SH3BP5L: variants seen among roughly 807,000 people sequenced by gnomAD.
SH3BP5L encodes the protein SH3 domain-binding protein 5-like.
Under a neutral mutation model 40.9 loss-of-function variants are expected in SH3BP5L, and 16 were observed. The observed-to-expected ratio is 0.39, with a 90% CI of 0.27 to 0.59. The LOEUF (loss-of-function observed/expected upper bound fraction) is 0.59. SH3BP5L is among the 20% of genes least tolerant of loss of function. The pLI is 0.53. For missense variants in SH3BP5L, 471 were observed against 544.6 expected, an observed-to-expected ratio of 0.86 and a Z score of 1.35; for synonymous variants, 229 against 226.7, an observed-to-expected ratio of 1.01 and a Z score of -0.09.
At chr1:248,814,754 G>A (rs1264078409) in intron 4 of SH3BP5L, 144 bp from the exon 5 acceptor site, 1 of 796,104 alleles carries the variant, frequency 1.3e-6, no homozygotes, top group South Asian at 1.4e-5. Context: ...GAGGATAAAT[G>A]CCAAGGAAGC....
chr1:248,812,837 T>C lies in SH3BP5L; in HGVS notation c.711+152A>G, dbSNP rs1472969902. 3.3e-6 allele frequency: 2 copies of C among 607,968 alleles called. No homozygotes were observed. The highest frequency in any genetic ancestry group is 5.5e-6 in the Non-Finnish European group (2 of 365,274). 37.7% of individuals were successfully genotyped at this position (607,968 alleles called of 1,614,324 possible). A position where few individuals can be genotyped will look rare whatever the true frequency, so the allele number is the denominator to read the frequency against. Reference sequence around the variant, plus strand: ...CCTGCCTCTCACTCCTGCAAGGTCATTTGGAACATGTGTGCCACCACCCTT... The same window carrying C: ...CCTGCCTCTCACTCCTGCAAGGTCACTTGGAACATGTGTGCCACCACCCTT... On this transcript the variant is annotated intron_variant, in intron 6 of 6. Coordinates refer to ENST00000366472, the MANE Select transcript of SH3BP5L (RefSeq NM_030645.3). This position sits in a 1 kb window ranked among gnomAD's most constrained non-coding sequence, Gnocchi z 6.1.
intron 3 of SH3BP5L, 62 bp from the exon 4 acceptor site, chr1:248,816,724 G>C: frequency 6.2e-7 from 1 of 1,612,638 alleles, no homozygotes; most frequent in Non-Finnish European, 8.5e-7. Flanking sequence ...TTGTTTCTCA[G>C]ACACACCCCT....
Position 248,810,976 on chromosome 1 carries a change from G to A in SH3BP5L, c.*924C>T, listed in dbSNP as rs754082505. ...TTCCCTAACCCCGTCCTGCAGGAGGGTGCTGAGTCAGTTCAGCATCCTCTA... is the reference window on the plus strand; with the variant it reads ...TTCCCTAACCCCGTCCTGCAGGAGGATGCTGAGTCAGTTCAGCATCCTCTA... On this transcript the variant is annotated 3_prime_UTR_variant, in exon 7 of 7. Transcript: ENST00000366472. 2.0e-5 allele frequency: 3 copies of A among 152,742 alleles called. No individual in the cohort carries two copies. The highest frequency in any genetic ancestry group is 2.9e-5 in the Non-Finnish European group (2 of 68,108). The allele number at this position is 152,742 out of a possible 1,614,324, so 9.5% of individuals were successfully genotyped here.
intron 5 of SH3BP5L, chr1:248,814,234 A>G: frequency 3.4e-6 from 2 of 595,046 alleles, no homozygotes; most frequent in Non-Finnish European, 5.9e-6. Flanking sequence ...GTTCAAGAAG[A>G]GCCCGGGATG....
At chr1:248,815,263 C>G (rs976873956) in intron 4 of SH3BP5L, among the ~76,000 whole-genome samples, 7 of 152,024 alleles carry the variant, frequency 4.6e-5, no homozygotes, top group Non-Finnish European at 8.8e-5. Flanking sequence ...GGCAACAGAG[C>G]AAGACCCCAT....
chr1:248,811,633 T>C lies in SH3BP5L; in HGVS notation c.*267A>G, dbSNP rs1161200062. The stretch of plus-strand genomic sequence containing the variant: ...AGGGTCAATGCCCTGCAGATCGTGA[T>C]GAGCTGGCAGGCAGAGGCAGACAGA... On this transcript the variant is annotated 3_prime_UTR_variant, in exon 7 of 7. Transcript: ENST00000366472. 2 of 483,372 alleles carry C rather than the reference T, an allele frequency of 4.1e-6. No individual in the cohort carries two copies. The highest frequency in any genetic ancestry group is 3.3e-5 in the East Asian group (1 of 30,008). 29.9% of individuals were successfully genotyped at this position (483,372 alleles called of 1,614,324 possible).
rs541674628 is a variant in SH3BP5L, at chr1:248,822,122, C to T, written c.183+2631G>A. Among the ~76,000 whole-genome samples, 6 of 152,274 alleles carry T rather than the reference C, an allele frequency of 3.9e-5. No individual in the cohort carries two copies. The South Asian group carries it at 1.2e-3, about 32-fold the overall frequency. Reference sequence around the variant, plus strand: ...TTTTTATGGACGGTGGATGGAAACCCAGTAAATGCACTGAGAATCCAGAGA... The same window carrying T: ...TTTTTATGGACGGTGGATGGAAACCTAGTAAATGCACTGAGAATCCAGAGA... On this transcript the variant is annotated intron_variant, in intron 2 of 6. Transcript: ENST00000366472.
At chr1:248,824,607 C>A in intron 2 of SH3BP5L, 146 bp downstream of exon 2, 1 of 1,007,604 alleles carries the variant, frequency 9.9e-7, no homozygotes, top group Non-Finnish European at 1.5e-6. Flanking sequence ...GTTACATTAC[C>A]CTGCAATGAT....
Position 248,812,149 on chromosome 1 carries a change from G to C in SH3BP5L, c.933C>G (p.Ala311=), listed in dbSNP as rs202116012. The C allele has an allele frequency of 0.017, 27,166 of 1,600,380 alleles. 283 individuals carry two copies. The highest frequency in any genetic ancestry group is 0.021 in the Non-Finnish European group (24,878 of 1,173,374). The part of the protein sequence containing the change: ...MEDGDSGIEG[A]EGAGLEEGSS... ...TGCCCTCCTCCAGCCCCGCACCCTC[G>C]GCCCCCTCAATCCCGCTGTCTCCGT... The change falls in exon 7 of 7, where the codon GCC becomes GCG. Residue 311 remains alanine (A), a synonymous_variant. Transcript: ENST00000366472. The surrounding 1 kb of genome is among the most constrained non-coding windows in gnomAD (Gnocchi z 6.1).
chr1:248,824,654 G>T (rs1329077395), intron 2 of SH3BP5L, 99 bp downstream of exon 2: 5 of 1,403,886 alleles, frequency 3.6e-6, no homozygotes, highest in Admixed American at 4.4e-5. Flanking sequence ...TGCCCCAGCA[G>T]ACTGGGGACA....
In SH3BP5L at chr1:248,814,654, C is replaced by T. The variant is rs565455594; in HGVS notation, c.376-44G>A. 3.7e-6 allele frequency: 6 copies of T among 1,608,962 alleles called. No individual in the cohort carries two copies. The African/African-American group carries it at 6.7e-5, about 18-fold the overall frequency. ...CAGGATGGGGAACCCTGAGGGACCC[C>T]AGCTGCCCATGGAGACCCATAATAG... On this transcript the variant is annotated intron_variant, in intron 4 of 6. Transcript: ENST00000366472.
At position 248,813,092 on chromosome 1, in the gene SH3BP5L, T is replaced by A; in HGVS notation, c.608A>T (p.Gln203Leu). 6.2e-7 allele frequency: 1 copy of A among 1,611,740 alleles called. No homozygotes were observed. Among genetic ancestry groups the A allele is most frequent in the South Asian group, 1.1e-5 (1 of 90,834 alleles). The change falls in exon 6 of 7, where the codon CAG becomes CTG. Residue 203 changes from glutamine to leucine, a missense_variant. Around this residue, in one of 2 missense-constraint regions of SH3BP5L, gnomAD observed 275 missense variants for 370.1 expected, o/e 0.74. Transcript: ENST00000366472. ...CAGGGCTTGGACCCGAGCCTCAGCCTGTTGGCACAGCCGAGTCACTCGCTG... is the reference window on the plus strand; with the variant it reads ...CAGGGCTTGGACCCGAGCCTCAGCCAGTTGGCACAGCCGAGTCACTCGCTG... The part of the protein sequence containing the change: ...EHQRVTRLCQ[Q>L]AEARVQALQK...
At chr1:248,817,645 G>C (rs969082239) in intron 2 of SH3BP5L, among the ~76,000 whole-genome samples, 1 of 152,154 alleles carries the variant, frequency 6.6e-6, no homozygotes, top group Non-Finnish European at 1.5e-5. Flanking sequence ...CTGAGGTCAG[G>C]AGTTTGAGAC....
intron 1 of SH3BP5L, 53 bp downstream of exon 1, chr1:248,825,782 T>C: frequency 1.5e-6 from 1 of 661,846 alleles, no homozygotes; most frequent in African/African-American, 2.0e-5. Context: ...CCAAGGACCC[T>C]ACTCCCGTCC....
intron 5 of SH3BP5L, 160 bp from the exon 6 acceptor site, chr1:248,813,322 G>A (rs910718530): frequency 3.2e-5 from 21 of 655,678 alleles, no homozygotes; most frequent in Admixed American, 2.3e-4. Context: ...AGGGGAACAC[G>A]GGGTCTATGA....
Position 248,821,873 on chromosome 1 carries a change from A to C in SH3BP5L, c.183+2880T>G, listed in dbSNP as rs1297277952. On this transcript the variant is annotated intron_variant, in intron 2 of 6. Transcript: ENST00000366472. This position sits in a 1 kb window ranked among gnomAD's most constrained non-coding sequence, Gnocchi z 4.6. ...AATGGCCATGGAGCTGCCTGCCTGC[A>C]AAGGAGCCCCAGCCCCAGGTCAGAC... is the stretch of plus-strand genomic sequence containing the variant. 1.3e-4 allele frequency among the ~76,000 whole-genome samples: 20 copies of C among 152,338 alleles called. No homozygotes were observed. Among genetic ancestry groups the C allele is most frequent in the Admixed American group, 1.3e-3 (20 of 15,296 alleles).
chr1:248,823,791 C>T (rs1218170036), intron 2 of SH3BP5L, among the ~76,000 whole-genome samples: 1 of 152,226 alleles, frequency 6.6e-6, no homozygotes, highest in Non-Finnish European at 1.5e-5. Context: ...TTCATATGTT[C>T]TTGCTCACCT....
Position 248,825,130 on chromosome 1 carries a change from G to C in SH3BP5L, c.-195C>G. 2.2e-6 allele frequency: 3 copies of C among 1,386,244 alleles called. No homozygotes were observed. Among genetic ancestry groups the C allele is most frequent in the South Asian group, 3.4e-5 (2 of 58,470 alleles). The allele number at this position is 1,386,244 out of a possible 1,614,324, so 85.9% of individuals were successfully genotyped here. A position where few individuals can be genotyped will look rare whatever the true frequency, so the allele number is the denominator to read the frequency against. ...ATTCAAGTTGTCAGTGGGGTTCCTAGAGCTGAAGCCTTGTCTGTGCAAAAG... is the reference window on the plus strand; with the variant it reads ...ATTCAAGTTGTCAGTGGGGTTCCTACAGCTGAAGCCTTGTCTGTGCAAAAG... On this transcript the variant is annotated 5_prime_UTR_variant, in exon 2 of 7. Coordinates refer to ENST00000366472, the MANE Select transcript of SH3BP5L (RefSeq NM_030645.3).
At chr1:248,814,668 G>A (rs1278472912) in intron 4 of SH3BP5L, 58 bp from the exon 5 acceptor site, 1 of 1,575,034 alleles carries the variant, frequency 6.3e-7, no homozygotes, top group Admixed American at 1.7e-5. Flanking sequence ...TGCCCATGGA[G>A]ACCCATAATA....
Sources: allele counts gnomAD v4.1 joint callset (sites outside exome capture counted in the v4.1 genomes callset), GRCh38; gene constraint gnomAD v4.1.1; regional missense constraint gnomAD v4.1.1; non-coding constraint Gnocchi (gnomAD v3.1); transcripts MANE v1.5; gene names NCBI Gene and HGNC (gene_info 2026-07-23, HGNC 2026-07-21).